The following RANBP10 variants were observed in gnomAD, a reference collection of about 807,000 sequenced individuals.
The protein encoded by RANBP10 is ran-binding protein 10.
RANBP10 carries 24 observed loss-of-function variants against 72.8 expected under a neutral mutation model. That is an observed-to-expected ratio of 0.33 (90% CI 0.24 to 0.46). The LOEUF (loss-of-function observed/expected upper bound fraction) is 0.46. Ranked by LOEUF, RANBP10 falls within the 20% of genes least tolerant of loss-of-function variation. The pLI is 1.00. For missense variants in RANBP10, 679 were observed against 817.5 expected (o/e 0.83, Z 2.07); for synonymous variants, 310 against 322.3 (o/e 0.96, Z 0.41).
At chr16:67,759,913 AC>A (rs979812676) in intron 3 of RANBP10, among the ~76,000 whole-genome samples, 1 of 152,148 alleles carries the variant, frequency 6.6e-6, no homozygotes, top group African/African-American at 2.4e-5. Context: ...ACCCTGGCTA[AC>A]ACAGTGAAAC....
At position 67,729,715 on chromosome 16, in the gene RANBP10, C is replaced by A. The variant is rs147881461; in HGVS notation, c.1112G>T (p.Arg371Leu). Residue 371 changes from arginine to leucine, a missense_variant, in exon 9 of 14, where the codon CGA becomes CTA. Arg to Leu is a moderately radical substitution (Grantham distance 102, BLOSUM62 -2). Coordinates refer to ENST00000317506, the MANE Select transcript of RANBP10 (RefSeq NM_020850.3). The surrounding 1 kb of genome is among the most constrained non-coding windows in gnomAD (Gnocchi z 7.1). ...CATGTGGGAACTACTGGGGCCATGTCGGGGACTGAGGCTGGGGGAGCCAGG... is the reference window on the plus strand; with the variant it reads ...CATGTGGGAACTACTGGGGCCATGTAGGGGACTGAGGCTGGGGGAGCCAGG... ...SYPGSPSLSP[R>L]HGPSSSHMHN... is the part of the protein sequence containing the mutation. 48 of 1,613,524 alleles carry A rather than the reference C, an allele frequency of 3.0e-5. No homozygotes were observed. Among genetic ancestry groups the A allele is most frequent in the Middle Eastern group, 1.6e-4 (1 of 6,082 alleles).
intron 1 of RANBP10, 148 bp from the exon 2 acceptor site, chr16:67,805,687 T>C: frequency 1.5e-6 from 1 of 650,380 alleles, no homozygotes; most frequent in Admixed American, 2.7e-5. Context: ...GACAACTGAA[T>C]AAACACTTAA....
intron 3 of RANBP10, among the ~76,000 whole-genome samples, chr16:67,760,545 C>A (rs1161920828): frequency 6.6e-6 from 1 of 152,212 alleles, no homozygotes; most frequent in East Asian, 1.9e-4. Flanking sequence ...CCTGTGGAAG[C>A]AAAGCAGACA....
At chr16:67,792,044 C>CAA (rs567961558) in intron 2 of RANBP10, among the ~76,000 whole-genome samples, 3 of 79,198 alleles carry the variant, frequency 3.8e-5, no homozygotes, top group Admixed American at 1.4e-4. Flanking sequence ...GACTCCGTCT[C>CAA]AAAAAAAAAA....
intron 2 of RANBP10, among the ~76,000 whole-genome samples, chr16:67,800,075 T>C (rs2055207668): frequency 6.6e-6 from 1 of 152,044 alleles, no homozygotes; most frequent in Non-Finnish European, 1.5e-5. Flanking sequence ...TGAGCCAAGA[T>C]TGTGCCACTG....
At chr16:67,731,646 T>C in intron 6 of RANBP10, 62 bp from the exon 7 acceptor site, 2 of 1,290,196 alleles carry the variant, frequency 1.6e-6, no homozygotes, top group South Asian at 2.5e-5. Flanking sequence ...GACTACCCAA[T>C]GGACTCAGGA....
chr16:67,787,033 G>A (rs1177680114), intron 2 of RANBP10, among the ~76,000 whole-genome samples: 1 of 152,068 alleles, frequency 6.6e-6, no homozygotes, highest in Non-Finnish European at 1.5e-5. Flanking sequence ...GAGGTCAGGA[G>A]TTTGAGACCA....
intron 6 of RANBP10, among the ~76,000 whole-genome samples, chr16:67,734,585 GA>G (rs2053801893): frequency 6.6e-6 from 1 of 152,152 alleles, no homozygotes; most frequent in African/African-American, 2.4e-5. Flanking sequence ...CCTGGGGAAG[GA>G]AAACAGCCCT....
At chr16:67,753,205 T>TAAA (rs869120981) in intron 3 of RANBP10, among the ~76,000 whole-genome samples, 1 of 123,690 alleles carries the variant, frequency 8.1e-6, no homozygotes, top group Admixed American at 8.4e-5. Context: ...AATCTCATCT[T>TAAA]AAAAAAAAAA....
intron 2 of RANBP10, among the ~76,000 whole-genome samples, chr16:67,804,524 C>A (rs2055297176): frequency 1.3e-5 from 2 of 152,068 alleles, no homozygotes; most frequent in Admixed American, 1.3e-4. Flanking sequence ...GCCTCAGCCT[C>A]CCAAGTAGCT....
rs1359657297 is a variant in RANBP10, at chr16:67,729,745, C to T, written c.1082G>A (p.Ser361Asn). The change falls in exon 9 of 14, where the codon AGC (serine) becomes AAC (asparagine). Residue 361 changes from serine (S) to asparagine (N), a missense_variant. Ser to Asn is a conservative substitution (Grantham distance 46, BLOSUM62 1). Transcript: ENST00000317506. The surrounding 1 kb of genome is among the most constrained non-coding windows in gnomAD (Gnocchi z 7.1). ...ACTGAGGCTGGGGGAGCCAGGGTAG[C>T]TGTCCTGGGACTTGGGGCTTCGGGA... The part of the protein sequence containing the change: ...LSSRSPKSQD[S>N]YPGSPSLSPR... The T allele has an allele frequency of 1.2e-6, 2 of 1,614,128 alleles. No individual in the cohort carries two copies. The highest frequency in any genetic ancestry group is 1.7e-6 in the Non-Finnish European group (2 of 1,180,020).
intron 2 of RANBP10, among the ~76,000 whole-genome samples, chr16:67,794,434 C>T (rs2143019725): frequency 6.6e-6 from 1 of 151,288 alleles, no homozygotes; most frequent in African/African-American, 2.4e-5. Context: ...GAGACTCCGT[C>T]TCAAAATAAA....
At chr16:67,768,250 G>A (rs1254211497) in intron 3 of RANBP10, among the ~76,000 whole-genome samples, 2 of 151,886 alleles carry the variant, frequency 1.3e-5, no homozygotes, top group Non-Finnish European at 2.9e-5. Flanking sequence ...GCCGGGCGTG[G>A]TGCCTCACGT....
intron 3 of RANBP10, among the ~76,000 whole-genome samples, chr16:67,750,263 C>T (rs2054168637): frequency 6.6e-6 from 1 of 152,232 alleles, no homozygotes; most frequent in Non-Finnish European, 1.5e-5. Context: ...TTCAGGAAGG[C>T]TGCTTGCTGC....
chr16:67,744,176 G>C, intron 4 of RANBP10, 112 bp downstream of exon 4: 1 of 1,503,216 alleles, frequency 6.7e-7, no homozygotes, highest in Non-Finnish European at 8.9e-7. Context: ...GAAATGGTGC[G>C]GTACCCCAGA....
intron 2 of RANBP10, among the ~76,000 whole-genome samples, chr16:67,779,277 C>T (rs73591980): frequency 0.053 from 8,078 of 151,806 alleles, 629 homozygotes; most frequent in African/African-American, 0.17. Context: ...CACCTGTAGT[C>T]CCAGCTACTC....
intron 2 of RANBP10, among the ~76,000 whole-genome samples, chr16:67,784,704 G>A (rs989757787): frequency 5.3e-5 from 8 of 151,488 alleles, no homozygotes; most frequent in Admixed American, 1.3e-4. Context: ...CTGTAATCCC[G>A]GCTACTCGGG....
rs2053701512 is a variant in RANBP10, at chr16:67,730,300, T to TA, written c.890-255dup. ...GACTCTCAGCCCAAAGGCAGGAGGG[T>TA]AAATGTGGAGGTCTGCTCCTGCGGG... On this transcript the variant is annotated intron_variant, in intron 7 of 13. Transcript: ENST00000317506. This position sits in a 1 kb window ranked among gnomAD's most constrained non-coding sequence, Gnocchi z 4.3. Among the ~76,000 whole-genome samples, 1 of 151,380 alleles carries TA rather than the reference T, an allele frequency of 6.6e-6. No homozygotes were observed. The highest frequency in any genetic ancestry group is 6.6e-5 in the Admixed American group (1 of 15,210).
chr16:67,731,210 C>A, intron 7 of RANBP10: 1 of 395,354 alleles, frequency 2.5e-6, no homozygotes, highest in East Asian at 5.6e-5. Context: ...AGGAATGGAA[C>A]CAGCCATGCC....
Sources: gnomAD v4.1 joint callset for allele counts (sites outside exome capture counted in the v4.1 genomes callset) on GRCh38, gnomAD v4.1.1 for gene constraint, Gnocchi (gnomAD v3.1) non-coding constraint, MANE v1.5 for transcripts, NCBI Gene and HGNC (gene_info 2026-07-23, HGNC 2026-07-21) for gene names.